Variants in WDR70 observed in about 807,000 individuals in gnomAD.
The protein encoded by WDR70 is WD repeat domain 70, also known as WD repeat-containing protein 70.
WDR70 carries 53 observed loss-of-function variants against 88.6 expected under a neutral mutation model. The ratio of observed to expected loss-of-function variants is 0.60; its 90% CI spans 0.48 to 0.75. The LOEUF (loss-of-function observed/expected upper bound fraction) is 0.75, where lower values mean the gene tolerates loss of function less well. WDR70 is among the 30% of genes least tolerant of loss of function. The pLI is 0.00. For synonymous variants in WDR70, 280 were observed against 270.0 expected (o/e 1.04, Z -0.36); for missense variants, 610 against 823.2 (o/e 0.74, Z 3.17).
In WDR70 at chr5:37,479,834, C is replaced by T; in HGVS notation, c.687C>T (p.Cys229=). 6.2e-7 allele frequency: 1 copy of T among 1,606,542 alleles called. No individual in the cohort carries two copies. The highest frequency in any genetic ancestry group is 8.5e-7 in the Non-Finnish European group (1 of 1,177,336). ...CAACTTTCCTTTTCTTTTCGTACAG[C>T]CATCAGATCAAGTCATTACAGTATA... ...KAFRSLQPCE[C]HQIKSLQYSN... is the part of the protein sequence containing the mutation. Residue 229 remains cysteine (C), a splice_region_variant and synonymous_variant, in exon 8 of 18, where the codon TGC becomes TGT. Coordinates refer to ENST00000265107, the MANE Select transcript of WDR70 (RefSeq NM_018034.4).
intron 17 of WDR70, among the ~76,000 whole-genome samples, chr5:37,728,695 A>G (rs1251412903): frequency 6.6e-6 from 1 of 152,168 alleles, no homozygotes; most frequent in Non-Finnish European, 1.5e-5. Flanking sequence ...GCTTAAGGTT[A>G]TATCTGCCAA....
intron 3 of WDR70, 51 bp downstream of exon 3, chr5:37,381,736 C>A: frequency 6.5e-7 from 1 of 1,545,424 alleles, no homozygotes; most frequent in Non-Finnish European, 8.9e-7. Context: ...CTATGTATAC[C>A]TCATGCAAGT....
At position 37,722,850 on chromosome 5, in the gene WDR70, G is replaced by A. The variant is rs145213961; in HGVS notation, c.1518-5G>A. On this transcript the variant is annotated splice_region_variant and splice_polypyrimidine_tract_variant and intron_variant, in intron 14 of 17. Transcript: ENST00000265107. The stretch of plus-strand genomic sequence containing the variant: ...AAGAAAATAATTTGCTTTTACACCC[G>A]TTAGGGGAGCAAAATTATGTGTGGT... 88 of 1,613,306 alleles carry A rather than the reference G, an allele frequency of 5.5e-5. No individual in the cohort carries two copies. Among genetic ancestry groups the A allele is most frequent in the East Asian group, 1.6e-4 (7 of 44,840 alleles).
Position 37,381,610 on chromosome 5 carries a change from G to C in WDR70, c.100G>C (p.Ala34Pro). The C allele has an allele frequency of 6.2e-7, 1 of 1,610,576 alleles. No homozygotes were observed. The highest frequency in any genetic ancestry group is 8.5e-7 in the Non-Finnish European group (1 of 1,177,576). The change falls in exon 3 of 18, where the codon GCT (alanine) becomes CCT (proline). Residue 34 changes from alanine to proline, a missense_variant. By Grantham distance (27) the Ala-to-Pro change is conservative (BLOSUM62 -1). Around this residue, in one of 4 missense-constraint regions of WDR70, gnomAD observed 203 missense variants for 228.1 expected, o/e 0.89. Coordinates refer to ENST00000265107, the MANE Select transcript of WDR70 (RefSeq NM_018034.4). Reference sequence around the variant, plus strand: ...ATTTGTTCATGTTTTAGGTAAAAAAGCTCGCACATTTGACTTGGAAGCAAT... The same window carrying C: ...ATTTGTTCATGTTTTAGGTAAAAAACCTCGCACATTTGACTTGGAAGCAAT... The part of the protein sequence containing the change: ...TMGFTGFGKK[A>P]RTFDLEAMFE...
At chr5:37,388,226 T>G (rs1019554311) in intron 3 of WDR70, among the ~76,000 whole-genome samples, 3 of 151,834 alleles carry the variant, frequency 2.0e-5, no homozygotes, top group African/African-American at 7.2e-5. Context: ...TTCAAGGAAT[T>G]CTTCCTCAGC....
chr5:37,667,926 A>C (rs1300638034), intron 10 of WDR70, among the ~76,000 whole-genome samples: 1 of 151,108 alleles, frequency 6.6e-6, no homozygotes, highest in African/African-American at 2.4e-5. Context: ...TTATTCTAGG[A>C]CTACTACTTA....
At chr5:37,649,310 G>T (rs994755775) in intron 10 of WDR70, among the ~76,000 whole-genome samples, 2 of 151,900 alleles carry the variant, frequency 1.3e-5, no homozygotes, top group South Asian at 2.1e-4. Flanking sequence ...AGAAATACAG[G>T]TTGGGACCAG....
Position 37,721,145 on chromosome 5 carries a change from C to T in WDR70, c.1447C>T (p.Leu483=). The T allele has an allele frequency of 6.2e-7, 1 of 1,613,744 alleles. No homozygotes were observed. The highest frequency in any genetic ancestry group is 8.5e-7 in the Non-Finnish European group (1 of 1,179,754). Residue 483 remains leucine, a synonymous_variant, in exon 14 of 18, where the codon CTG becomes TTG. Coordinates refer to ENST00000265107, the MANE Select transcript of WDR70 (RefSeq NM_018034.4). The part of the protein sequence containing the change: ...SVVRCLWHPK[L]NQIMVGTGNG... ...TGTTCGCTGCCTGTGGCATCCAAAG[C>T]TGAACCAGATCATGGTTGGAACTGG... is the stretch of plus-strand genomic sequence containing the variant.
At chr5:37,696,067 C>T (rs1208741248) in intron 10 of WDR70, among the ~76,000 whole-genome samples, 4 of 152,118 alleles carry the variant, frequency 2.6e-5, no homozygotes, top group Admixed American at 6.6e-5. Context: ...TAGCACTTGT[C>T]GCTCTGTGTG....
intron 7 of WDR70, among the ~76,000 whole-genome samples, chr5:37,449,644 T>A (rs890718987): frequency 3.0e-4 from 45 of 150,936 alleles, no homozygotes; most frequent in Non-Finnish European, 5.9e-4. Context: ...TAAAATCAAA[T>A]GCTCCAGGCT....
chr5:37,412,276 A>G (rs10051627), intron 5 of WDR70, among the ~76,000 whole-genome samples: 2 of 151,968 alleles, frequency 1.3e-5, no homozygotes, highest in African/African-American at 4.8e-5. Context: ...AATCCCAGCT[A>G]CTCGGGAAGC....
chr5:37,497,306 C>T (rs1561875718), intron 8 of WDR70, among the ~76,000 whole-genome samples: 1 of 145,484 alleles, frequency 6.9e-6, no homozygotes, highest in Admixed American at 6.9e-5. Flanking sequence ...CTTCTCCCTT[C>T]CCTTCCCTTT....
intron 10 of WDR70, among the ~76,000 whole-genome samples, chr5:37,662,747 G>A (rs934652387): frequency 3.6e-4 from 55 of 152,192 alleles, no homozygotes; most frequent in Non-Finnish European, 1.3e-4. Context: ...AAAAATAAAT[G>A]ATCCTAAGTA....
chr5:37,578,157 G>T (rs915788194), intron 9 of WDR70, among the ~76,000 whole-genome samples: 1 of 152,178 alleles, frequency 6.6e-6, no homozygotes, highest in Non-Finnish European at 1.5e-5. Context: ...AGAAAATAAG[G>T]CTGCATAGAA....
At chr5:37,496,899 A>T (rs1299711406) in intron 8 of WDR70, among the ~76,000 whole-genome samples, 1 of 152,174 alleles carries the variant, frequency 6.6e-6, no homozygotes, top group Admixed American at 6.5e-5. Flanking sequence ...GTCAGTGGAG[A>T]TGGAGCTTAG....
At chr5:37,695,874 C>T (rs1407026850) in intron 10 of WDR70, among the ~76,000 whole-genome samples, 2 of 152,170 alleles carry the variant, frequency 1.3e-5, no homozygotes, top group South Asian at 2.1e-4. Flanking sequence ...ATTCGGCTTA[C>T]CACAGTGCAG....
At chr5:37,663,301 C>A (rs1489956755) in intron 10 of WDR70, among the ~76,000 whole-genome samples, 1 of 152,170 alleles carries the variant, frequency 6.6e-6, no homozygotes, top group Non-Finnish European at 1.5e-5. Flanking sequence ...GAACATAGTA[C>A]TCGGAGAAAA....
chr5:37,554,965 T>C (rs1028815152), intron 9 of WDR70, among the ~76,000 whole-genome samples: 4 of 152,218 alleles, frequency 2.6e-5, no homozygotes, highest in Admixed American at 2.6e-4. Flanking sequence ...TTAAATTATG[T>C]TTCTTATGTA....
chr5:37,517,707 G>A (rs976042630), intron 9 of WDR70, among the ~76,000 whole-genome samples: 5 of 130,756 alleles, frequency 3.8e-5, no homozygotes, highest in African/African-American at 1.4e-4. Context: ...TATACAGTAG[G>A]TATATATATT....
Sources: gnomAD v4.1 joint callset for allele counts (sites outside exome capture counted in the v4.1 genomes callset) on GRCh38, gnomAD v4.1.1 for gene constraint, gnomAD v4.1.1 regional missense constraint, MANE v1.5 for transcripts, NCBI Gene and HGNC (gene_info 2026-07-23, HGNC 2026-07-21) for gene names.